The following SMG1 variants were observed in gnomAD, a reference collection of about 807,000 sequenced individuals.
SMG1 encodes the protein SMG1 nonsense mediated mRNA decay associated PI3K related kinase.
In SMG1, 22 loss-of-function variants were observed where a neutral mutation model predicts 419.9. The ratio of observed to expected loss-of-function variants is 0.05; its 90% CI spans 0.04 to 0.07. The LOEUF (loss-of-function observed/expected upper bound fraction) is 0.07. SMG1 is among the 10% of genes least tolerant of loss of function. The pLI is 1.00. For synonymous variants in SMG1, 1,538 were observed against 1,553.5 expected (o/e 0.99, Z 0.23); for missense variants, 3,185 against 4,342.0 (o/e 0.73, Z 7.49).
At chr16:18,810,939 T>C (rs553253141) in intron 62 of SMG1, among the ~76,000 whole-genome samples, 1 of 152,214 alleles carries the variant, frequency 6.6e-6, no homozygotes, top group Non-Finnish European at 1.5e-5. Context: ...AACTGGTGAG[T>C]CTAGGTAAAA....
At chr16:18,852,241 C>A in intron 32 of SMG1, 36 bp from the exon 33 acceptor site, 1 of 1,606,888 alleles carries the variant, frequency 6.2e-7, no homozygotes, top group Non-Finnish European at 8.5e-7. Context: ...ATTTCAGCTA[C>A]CCAAACTTTA....
chr16:18,891,285 T>G (rs137956513), intron 4 of SMG1, among the ~76,000 whole-genome samples: 1 of 152,094 alleles, frequency 6.6e-6, no homozygotes, highest in Non-Finnish European at 1.5e-5. Context: ...AGATGACGGG[T>G]TTAACAGATT....
At chr16:18,831,535 C>T (rs2033171051) in intron 51 of SMG1, among the ~76,000 whole-genome samples, 1 of 151,998 alleles carries the variant, frequency 6.6e-6, no homozygotes, top group African/African-American at 2.4e-5. Context: ...TTTTTAAATA[C>T]TGCTAAAAAT....
At chr16:18,906,523 C>T (rs1179633857) in intron 1 of SMG1, among the ~76,000 whole-genome samples, 1 of 152,144 alleles carries the variant, frequency 6.6e-6, no homozygotes, top group Non-Finnish European at 1.5e-5. Flanking sequence ...AAAATACCTG[C>T]ACCTGATTCT....
chr16:18,841,130 T>C (rs2033892855), intron 41 of SMG1, among the ~76,000 whole-genome samples: 1 of 152,154 alleles, frequency 6.6e-6, no homozygotes, highest in Admixed American at 6.5e-5. Flanking sequence ...CCAGATGCGG[T>C]GGCTCATGCC....
Position 18,815,234 on chromosome 16 carries a change from G to T in SMG1, c.10562C>A (p.Ala3521Glu). The T allele has an allele frequency of 6.3e-7, 1 of 1,595,448 alleles. No individual in the cohort carries two copies. Among genetic ancestry groups the T allele is most frequent in the Non-Finnish European group, 8.5e-7 (1 of 1,170,402 alleles). The part of the protein sequence containing the change: ...VSFASPLVTD[A>E]TNECSSPTSS... ...CGTTGGACTCGAACATTCATTTGTT[G>T]CATCGGTGACTAAGGGTGATGCAAA... is the stretch of plus-strand genomic sequence containing the variant. The change falls in exon 60 of 63, where the codon GCA (alanine) becomes GAA (glutamate). Residue 3521 changes from alanine to glutamate, a missense_variant. By Grantham distance (107) the Ala-to-Glu change is moderately radical. Around this residue, in one of 27 missense-constraint regions of SMG1, gnomAD observed 737 missense variants for 846.6 expected, o/e 0.87. Transcript: ENST00000446231.
intron 39 of SMG1, among the ~76,000 whole-genome samples, chr16:18,844,536 T>G (rs112719900): frequency 1.3e-4 from 11 of 84,640 alleles, no homozygotes; most frequent in African/African-American, 6.4e-4. Flanking sequence ...AACTCGAGTT[T>G]TGGCAAGAAC....
chr16:18,846,209 T>C (rs962994294), intron 38 of SMG1, among the ~76,000 whole-genome samples: 6 of 152,096 alleles, frequency 3.9e-5, no homozygotes, highest in African/African-American at 1.4e-4. Flanking sequence ...GATATCAACA[T>C]GCAAAAGAAT....
intron 25 of SMG1, among the ~76,000 whole-genome samples, chr16:18,862,950 C>T (rs1323930610): frequency 6.6e-6 from 1 of 152,226 alleles, no homozygotes; most frequent in Non-Finnish European, 1.5e-5. Flanking sequence ...AGAAGGTCAG[C>T]TTTACCTAAC....
At chr16:18,858,893 G>A in intron 28 of SMG1, 129 bp downstream of exon 28, 1 of 696,010 alleles carries the variant, frequency 1.4e-6, no homozygotes, top group Non-Finnish European at 2.3e-6. Context: ...AAAACAGCAT[G>A]TTAGATTTCT....
chr16:18,821,156 T>C (rs940266796), intron 55 of SMG1, among the ~76,000 whole-genome samples: 2 of 151,700 alleles, frequency 1.3e-5, no homozygotes, highest in Non-Finnish European at 2.9e-5. Context: ...CATCAAAATT[T>C]CCTTAATGTA....
chr16:18,819,522 C>T lies in SMG1; in HGVS notation c.9874G>A (p.Glu3292Lys). ...AATACCTGACTTGCTCTTTGGCTCT[C>T]TTTAAGGACAAGATTTCTTCTTTCA... is the stretch of plus-strand genomic sequence containing the variant. ...IAERRNLVLK[E>K]SQRASQVTFL... The change falls in exon 56 of 63, where the codon GAG becomes AAG. Residue 3292 changes from glutamate to lysine, a missense_variant. By Grantham distance (56) the Glu-to-Lys change is moderately conservative. This residue lies in a region of SMG1 where 737 missense variants were observed against 846.6 expected (regional missense o/e 0.87). Transcript: ENST00000446231. 1 of 1,610,364 alleles carries T rather than the reference C, an allele frequency of 6.2e-7. No homozygotes were observed. Among genetic ancestry groups the T allele is most frequent in the Non-Finnish European group, 8.5e-7 (1 of 1,178,116 alleles).
intron 55 of SMG1, among the ~76,000 whole-genome samples, 195 bp from the exon 56 acceptor site, chr16:18,819,849 G>GGA (rs750720473): frequency 6.6e-6 from 1 of 152,192 alleles, no homozygotes; most frequent in Non-Finnish European, 1.5e-5. Flanking sequence ...AAACATGTAT[G>GGA]GAGAGAGAGG....
intron 33 of SMG1, 29 bp downstream of exon 33, chr16:18,852,038 T>C: frequency 1.3e-6 from 2 of 1,579,796 alleles, no homozygotes; most frequent in Non-Finnish European, 1.7e-6. Flanking sequence ...GGAGTAGCAA[T>C]CTTGCCCCAA....
chr16:18,846,145 T>C (rs1213986990), intron 38 of SMG1, among the ~76,000 whole-genome samples: 3 of 152,076 alleles, frequency 2.0e-5, no homozygotes, highest in Non-Finnish European at 4.4e-5. Flanking sequence ...AAAATGCAGC[T>C]CATAAAAGAG....
At chr16:18,827,940 T>TA (rs1184995769) in intron 55 of SMG1, 91 bp downstream of exon 55, 9 of 1,379,706 alleles carry the variant, frequency 6.5e-6, no homozygotes, top group Admixed American at 2.2e-5. Flanking sequence ...GACACACAAA[T>TA]AGACACACTG....
intron 13 of SMG1, chr16:18,875,102 C>T (rs1318474605): frequency 6.6e-6 from 1 of 152,322 alleles, no homozygotes; most frequent in Non-Finnish European, 1.5e-5. Context: ...ACCTTCTATT[C>T]ATAGCCTGAA....
intron 42 of SMG1, among the ~76,000 whole-genome samples, chr16:18,839,476 G>A (rs921662016): frequency 6.6e-6 from 1 of 152,100 alleles, no homozygotes. Flanking sequence ...AATTTGCTTA[G>A]GATCTCCTTT....
chr16:18,857,230 G>C (rs1222757674), intron 29 of SMG1: 2 of 152,220 alleles, frequency 1.3e-5, no homozygotes, highest in Non-Finnish European at 2.9e-5. Flanking sequence ...AGTAACACCA[G>C]CTATCATGTT....
Sources: allele counts gnomAD v4.1 joint callset (sites outside exome capture counted in the v4.1 genomes callset), GRCh38; gene constraint gnomAD v4.1.1; regional missense constraint gnomAD v4.1.1; transcripts MANE v1.5; gene names NCBI Gene and HGNC (gene_info 2026-07-23, HGNC 2026-07-21).